MINAR1: variants seen among roughly 807,000 people sequenced by gnomAD.
The protein encoded by MINAR1 is membrane integral NOTCH2 associated receptor 1.
Under a neutral mutation model 65.1 loss-of-function variants are expected in MINAR1, and 40 were observed. The observed-to-expected ratio is 0.61, with a 90% CI of 0.48 to 0.80. The LOEUF is 0.80. Among genes scored for constraint, MINAR1 ranks in the 30% least tolerant of loss-of-function variants. The pLI is 0.00. For missense variants in MINAR1, 1,128 were observed against 1,148.0 expected (o/e 0.98, Z 0.25); for synonymous variants, 482 against 449.1 (o/e 1.07, Z -0.93).
intron 1 of MINAR1, among the ~76,000 whole-genome samples, chr15:79,436,351 C>T (rs143698191): frequency 1.4e-3 from 208 of 152,268 alleles, no homozygotes; most frequent in Non-Finnish European, 1.9e-3. Context: ...AGCACCACAT[C>T]GTGGCATGCG....
At chr15:79,460,370 A>G (rs1228526809) in intron 2 of MINAR1, among the ~76,000 whole-genome samples, 1 of 152,188 alleles carries the variant, frequency 6.6e-6, no homozygotes, top group African/African-American at 2.4e-5. Flanking sequence ...TCCTTTAAAA[A>G]CAGTGTTCCC....
At chr15:79,440,466 C>A (rs1004853306) in intron 1 of MINAR1, among the ~76,000 whole-genome samples, 6 of 152,176 alleles carry the variant, frequency 3.9e-5, no homozygotes, top group Non-Finnish European at 8.8e-5. Flanking sequence ...GGATGAGGAC[C>A]AGTGGGTGCA....
intron 1 of MINAR1, among the ~76,000 whole-genome samples, chr15:79,437,632 G>A (rs1894643724): frequency 7.1e-6 from 1 of 141,620 alleles, no homozygotes; most frequent in Non-Finnish European, 1.5e-5. Context: ...GTAGGTGTGA[G>A]TGGGTAGTGA....
chr15:79,451,268 C>G (rs1036087353), intron 1 of MINAR1, among the ~76,000 whole-genome samples: 2 of 152,002 alleles, frequency 1.3e-5, no homozygotes, highest in Non-Finnish European at 2.9e-5. Context: ...GGCCAGGTCT[C>G]AATGTTTTAA....
intron 1 of MINAR1, among the ~76,000 whole-genome samples, chr15:79,439,533 G>A (rs1051310791): frequency 2.0e-5 from 3 of 151,708 alleles, no homozygotes; most frequent in East Asian, 1.9e-4. Flanking sequence ...GGACTGAGAC[G>A]TGGGTAGATA....
upstream of MINAR1, among the ~76,000 whole-genome samples, chr15:79,428,804 G>T (rs555055117): frequency 1.3e-5 from 2 of 152,206 alleles, no homozygotes; most frequent in Admixed American, 6.5e-5. Context: ...CATCTAAAAT[G>T]TACCACAGGA....
chr15:79,441,615 G>A (rs771401016), intron 1 of MINAR1, among the ~76,000 whole-genome samples: 16 of 151,996 alleles, frequency 1.1e-4, no homozygotes, highest in African/African-American at 2.7e-4. Context: ...AAGGGTATGC[G>A]TATTTTTCAA....
At chr15:79,439,627 G>T (rs1412332886) in intron 1 of MINAR1, among the ~76,000 whole-genome samples, 1 of 151,812 alleles carries the variant, frequency 6.6e-6, no homozygotes, top group Non-Finnish European at 1.5e-5. Flanking sequence ...TGACATCGGA[G>T]CGCTGACTGC....
intron 1 of MINAR1, among the ~76,000 whole-genome samples, chr15:79,445,816 G>A (rs571485697): frequency 3.7e-4 from 57 of 152,318 alleles, no homozygotes; most frequent in African/African-American, 1.3e-3. Context: ...CCAAAGTGCT[G>A]GGATTACAGG....
At position 79,468,578 on chromosome 15, in the gene MINAR1, C is replaced by T; in HGVS notation, c.*194C>T. 1.7e-6 allele frequency: 1 copy of T among 581,054 alleles called. No homozygotes were observed. Among genetic ancestry groups the T allele is most frequent in the Non-Finnish European group, 3.0e-6 (1 of 330,290 alleles). 36.0% of individuals were successfully genotyped at this position (581,054 alleles called of 1,614,324 possible). A position where few individuals can be genotyped will look rare whatever the true frequency, so the allele number is the denominator to read the frequency against. ...AAATCTACCTACCTATTAGCTTTGA[C>T]TCAATTACACTCTGACGCATTTTTA... On this transcript the variant is annotated 3_prime_UTR_variant, in exon 4 of 4. Coordinates refer to ENST00000305428, the MANE Select transcript of MINAR1 (RefSeq NM_015206.3).
the MINAR1 span, chr15:79,415,545 C>T: frequency 6.6e-6 from 1 of 152,140 alleles, no homozygotes; most frequent in Non-Finnish European, 1.5e-5. Flanking sequence ...AAGTTGCAGA[C>T]CAAAATCGGT....
intron 2 of MINAR1, among the ~76,000 whole-genome samples, chr15:79,462,647 TGAAA>T (rs1261246035): frequency 6.6e-6 from 1 of 152,086 alleles, no homozygotes; most frequent in Non-Finnish European, 1.5e-5. Flanking sequence ...TGCAAAATGG[TGAAA>T]GAAAGAGGGG....
chr15:79,429,233 A>G (rs1212148423), upstream of MINAR1, among the ~76,000 whole-genome samples: 1 of 152,212 alleles, frequency 6.6e-6, no homozygotes, highest in African/African-American at 2.4e-5. Flanking sequence ...TCATCAATTT[A>G]TTAGGTTTCA....
At position 79,446,011 on chromosome 15, in the gene MINAR1, G is replaced by C. The variant is rs184391877; in HGVS notation, c.-50-10087G>C. On this transcript the variant is annotated intron_variant, in intron 1 of 3. Coordinates refer to ENST00000305428, the MANE Select transcript of MINAR1 (RefSeq NM_015206.3). The stretch of plus-strand genomic sequence containing the variant: ...GAAATATTTCTGTCATTTTATTTGT[G>C]ATATTAATTAGTTATACTTTGCTTC... Among the ~76,000 whole-genome samples the C allele has an allele frequency of 1.7e-3, 252 of 152,192 alleles. 1 individual carries two copies. The highest frequency in any genetic ancestry group is 5.9e-3 in the African/African-American group (247 of 41,524).
chr15:79,442,839 C>T (rs910967676), intron 1 of MINAR1, among the ~76,000 whole-genome samples: 2 of 151,922 alleles, frequency 1.3e-5, no homozygotes, highest in South Asian at 4.2e-4. Flanking sequence ...CAGTAGACAT[C>T]CATATACCAG....
At chr15:79,437,821 T>TGGATGGGGTG (rs1894668879) in intron 1 of MINAR1, among the ~76,000 whole-genome samples, 1 of 28,964 alleles carries the variant, frequency 3.5e-5, no homozygotes. Flanking sequence ...GTGTGGGGCG[T>TGGATGGGGTG]GGGTGTGTGT....
Position 79,458,243 on chromosome 15 carries a change from TA to T in MINAR1, c.2104del (p.Ser702AlafsTer11), listed in dbSNP as rs748072217. ...AGTGAAAGCCTGCGGGTCAAGGCCT[TA>T]AAAAAAAGCCTCTTCACCAGGCCAT... is the stretch of plus-strand genomic sequence containing the variant. Reference protein sequence around the residue: ...SNSESLRVKALKKSLFTRPSS... With the variant: ...SNSESLRVKAXKKSLFTRPSS... On this transcript the variant is annotated frameshift_variant, in exon 2 of 4. Transcript: ENST00000305428. LOFTEE classifies it high-confidence loss of function. The T allele has an allele frequency of 2.9e-5, 46 of 1,613,142 alleles. No individual in the cohort carries two copies. Among genetic ancestry groups the T allele is most frequent in the Non-Finnish European group, 3.8e-5 (45 of 1,179,618 alleles).
intron 1 of MINAR1, among the ~76,000 whole-genome samples, chr15:79,449,250 C>T (rs1216488666): frequency 2.6e-5 from 4 of 152,282 alleles, no homozygotes; most frequent in African/African-American, 7.2e-5. Flanking sequence ...TCATCTTAAC[C>T]TCAGGCTTGC....
rs774973465 is a variant in MINAR1 at position 79,457,414 on chromosome 15, A to C, written c.1267A>C (p.Ile423Leu). ...TYLVPKDQQP[I>L]LPIAYAAKQN... Reference sequence around the variant, plus strand: ...CCTTGTGCCAAAGGATCAACAGCCAATTCTCCCCATTGCTTATGCGGCAAA... The same window carrying C: ...CCTTGTGCCAAAGGATCAACAGCCACTTCTCCCCATTGCTTATGCGGCAAA... The change falls in exon 2 of 4, where the codon ATT becomes CTT. Residue 423 changes from isoleucine (I) to leucine (L), a missense_variant. Coordinates refer to ENST00000305428, the MANE Select transcript of MINAR1 (RefSeq NM_015206.3). The C allele has an allele frequency of 6.2e-7, 1 of 1,614,216 alleles. No homozygotes were observed. The highest frequency in any genetic ancestry group is 1.1e-5 in the South Asian group (1 of 91,084).
Sources: gnomAD v4.1 joint callset for allele counts (sites outside exome capture counted in the v4.1 genomes callset) on GRCh38, gnomAD v4.1.1 for gene constraint, MANE v1.5 for transcripts, NCBI Gene and HGNC (gene_info 2026-07-23, HGNC 2026-07-21) for gene names.